The following AFAP1 variants were observed in gnomAD, a reference collection of about 807,000 sequenced individuals.
AFAP1 encodes the protein actin filament-associated protein 1.
A neutral mutation model predicts 93.9 loss-of-function variants in AFAP1; 75 were observed. That is an observed-to-expected ratio of 0.80 (90% CI 0.66 to 0.97). AFAP1 has a LOEUF of 0.97. Ranked by LOEUF, AFAP1 falls within the 50% of genes least tolerant of loss-of-function variation. The probability of loss-of-function intolerance (pLI) is 0.00; values close to 1 mark genes in which losing one functional copy is unlikely to be tolerated. For synonymous variants in AFAP1, 517 were observed against 430.7 expected (o/e 1.20, Z -2.48); for missense variants, 1,201 against 1,050.8 (o/e 1.14, Z -1.98).
intron 7 of AFAP1, among the ~76,000 whole-genome samples, chr4:7,818,491 G>A (rs188041415): frequency 6.6e-6 from 1 of 152,182 alleles, no homozygotes; most frequent in African/African-American, 2.4e-5. Flanking sequence ...AGGTTTCATG[G>A]CAGGAAGCCA....
In AFAP1 at chr4:7,774,336, A is replaced by C. The variant is rs537875985; in HGVS notation, c.2062+403T>G. On this transcript the variant is annotated intron_variant, in intron 15 of 17. Coordinates refer to ENST00000420658, the MANE Select transcript of AFAP1 (RefSeq NM_001134647.2). The stretch of plus-strand genomic sequence containing the variant: ...ACCCTTGTCTGGACTTCTGAATATT[A>C]CTGACCCCTGTGGGCTACCCTCTGT... The C allele has an allele frequency of 6.1e-5, 11 of 180,178 alleles. No homozygotes were observed. In the South Asian group the frequency reaches 1.6e-3, roughly 27 times the overall value. The allele number at this position is 180,178 out of a possible 1,614,324, so 11.2% of individuals were successfully genotyped here. A position where few individuals can be genotyped will look rare whatever the true frequency, so the allele number is the denominator to read the frequency against.
intron 4 of AFAP1, among the ~76,000 whole-genome samples, chr4:7,846,035 A>C (rs2149122048): frequency 6.6e-6 from 1 of 152,304 alleles, no homozygotes; most frequent in South Asian, 2.1e-4. Context: ...CAACCAAAGG[A>C]AAAAGTCTGA....
chr4:7,867,340 T>C (rs1196853020), intron 3 of AFAP1, among the ~76,000 whole-genome samples: 1 of 152,142 alleles, frequency 6.6e-6, no homozygotes, highest in African/African-American at 2.4e-5. Context: ...TCCTGGATAA[T>C]CCTGAGGCAC....
chr4:7,812,305 G>A (rs1016719226), intron 8 of AFAP1, among the ~76,000 whole-genome samples: 2 of 152,042 alleles, frequency 1.3e-5, no homozygotes, highest in African/African-American at 4.8e-5. Flanking sequence ...GCCCCCCCCA[G>A]AAAATGCAGC....
chr4:7,765,780 G>A (rs116816502), intron 17 of AFAP1, among the ~76,000 whole-genome samples: 4,622 of 152,298 alleles, frequency 0.03, 103 homozygotes, highest in Non-Finnish European at 0.048. Context: ...CAGCCACTGA[G>A]GGGCCTTGGA....
At chr4:7,836,267 TG>T (rs1363606670) in intron 6 of AFAP1, among the ~76,000 whole-genome samples, 1 of 152,130 alleles carries the variant, frequency 6.6e-6, no homozygotes, top group African/African-American at 2.4e-5. Context: ...TGCTTCAACA[TG>T]GACGGACCTT....
chr4:7,762,960 G>A lies in AFAP1; in HGVS notation c.*805C>T, dbSNP rs563366043. The A allele has an allele frequency of 6.6e-6, 1 of 152,218 alleles. No individual in the cohort carries two copies. The highest frequency in any genetic ancestry group is 6.5e-5 in the Admixed American group (1 of 15,286). The allele number at this position is 152,218 out of a possible 1,614,324, so 9.4% of individuals were successfully genotyped here. On this transcript the variant is annotated 3_prime_UTR_variant, in exon 18 of 18. Transcript: ENST00000420658. ...GGGCTGGGGATGCTAGCCCAAGGGG[G>A]AGGAGGGTGTACTGTTAGTGAAGTA...
chr4:7,889,649 CAT>C (rs1001055533), intron 1 of AFAP1, among the ~76,000 whole-genome samples: 23 of 143,918 alleles, frequency 1.6e-4, no homozygotes, highest in African/African-American at 4.9e-4. Flanking sequence ...ATTCTTTAAA[CAT>C]GTGAGGTTTA....
intron 10 of AFAP1, among the ~76,000 whole-genome samples, chr4:7,797,259 G>A (rs1718519074): frequency 3.3e-5 from 5 of 152,158 alleles, no homozygotes; most frequent in Admixed American, 2.6e-4. Context: ...AGTCATTAAT[G>A]GATGCTGGAA....
rs1715939902 is a variant in AFAP1, at chr4:7,774,897, G to C, written c.1904C>G (p.Ala635Gly). Residue 635 changes from alanine (A) to glycine (G), a missense_variant, in exon 15 of 18, where the codon GCC becomes GGC. Transcript: ENST00000420658. ...AVVKRTGSNAAQYKYGKNRVE... is the reference protein window; with the variant it reads ...AVVKRTGSNAGQYKYGKNRVE... The stretch of plus-strand genomic sequence containing the variant: ...CCGGTTCTTGCCATACTTGTACTGG[G>C]CAGCATCTTGAGAAGAAAAAAAAGC... 1.4e-5 allele frequency: 23 copies of C among 1,605,798 alleles called. No individual in the cohort carries two copies. The highest frequency in any genetic ancestry group is 1.8e-5 in the Non-Finnish European group (21 of 1,178,030).
chr4:7,759,070 A>G lies in AFAP1; in HGVS notation c.*4695T>C, dbSNP rs1236001167. 1 of 152,702 alleles carries G rather than the reference A, an allele frequency of 6.5e-6. No homozygotes were observed. The highest frequency in any genetic ancestry group is 1.5e-5 in the Non-Finnish European group (1 of 68,042). 9.5% of individuals were successfully genotyped at this position (152,702 alleles called of 1,614,324 possible). ...TAAAAAATACAATAAGGAAATAATT[A>G]CATTCTTAATATGAAAACATTTTAC... On this transcript the variant is annotated 3_prime_UTR_variant, in exon 18 of 18. Coordinates refer to ENST00000420658, the MANE Select transcript of AFAP1 (RefSeq NM_001134647.2).
In AFAP1 at chr4:7,838,592, T is replaced by C; in HGVS notation, c.658A>G (p.Thr220Ala). 6.2e-7 allele frequency: 1 copy of C among 1,614,176 alleles called. No homozygotes were observed. The highest frequency in any genetic ancestry group is 8.5e-7 in the Non-Finnish European group (1 of 1,180,034). The change falls in exon 6 of 18, where the codon ACT (threonine) becomes GCT (alanine). Residue 220 changes from threonine (T) to alanine (A), a missense_variant. Coordinates refer to ENST00000420658, the MANE Select transcript of AFAP1 (RefSeq NM_001134647.2). Reference protein sequence around the residue: ...SKKKKHELKITQQGTDPLVLA... With the variant: ...SKKKKHELKIAQQGTDPLVLA... Reference sequence around the variant, plus strand: ...ACAAGCGGGTCCGTGCCCTGCTGAGTAATCTTCAGCTCGTGCTTCTTCTTT... The same window carrying C: ...ACAAGCGGGTCCGTGCCCTGCTGAGCAATCTTCAGCTCGTGCTTCTTCTTT...
rs1301780881 is a variant in AFAP1, at chr4:7,939,617, C to T, written c.-3+39G>A. The stretch of plus-strand genomic sequence containing the variant: ...TCCACGCCCGGGGCAGAGACCCCCG[C>T]CGGGTCCGGAGACCCTGCCGCCAGT... On this transcript the variant is annotated intron_variant, in intron 1 of 17. Coordinates refer to ENST00000420658, the MANE Select transcript of AFAP1 (RefSeq NM_001134647.2). This position sits in a 1 kb window ranked among gnomAD's most constrained non-coding sequence, Gnocchi z 5.6. 2.4e-6 allele frequency: 1 copy of T among 413,170 alleles called. No homozygotes were observed. The allele number at this position is 413,170 out of a possible 1,614,324, so 25.6% of individuals were successfully genotyped here.
chr4:7,906,013 G>C (rs192279530), intron 1 of AFAP1, among the ~76,000 whole-genome samples: 1 of 152,344 alleles, frequency 6.6e-6, no homozygotes, highest in Admixed American at 6.5e-5. Flanking sequence ...CCATGCATGT[G>C]GGAGGAGGGA....
intron 7 of AFAP1, 96 bp downstream of exon 7, chr4:7,818,980 A>C: frequency 1.7e-6 from 2 of 1,155,146 alleles, no homozygotes; most frequent in African/African-American, 1.5e-5. Context: ...TTTAACTGGA[A>C]GCGCTGAAAT....
chr4:7,780,343 C>G (rs886319074), intron 13 of AFAP1, among the ~76,000 whole-genome samples: 1 of 152,180 alleles, frequency 6.6e-6, no homozygotes, highest in African/African-American at 2.4e-5. Context: ...CTATTGGGAG[C>G]TACTGTTCTA....
Position 7,758,831 on chromosome 4 carries a change from T to C in AFAP1, c.*4934A>G, listed in dbSNP as rs1317029292. On this transcript the variant is annotated 3_prime_UTR_variant, in exon 18 of 18. Transcript: ENST00000420658. ...AAAGCAGGAAATTCAGTGAAGCTAC[T>C]ACAAAGTGGGGCGAGTGGACTGAAA... The C allele has an allele frequency of 6.6e-6, 1 of 152,242 alleles. No homozygotes were observed. Among genetic ancestry groups the C allele is most frequent in the Non-Finnish European group, 1.5e-5 (1 of 68,044 alleles). The allele number at this position is 152,242 out of a possible 1,614,324, so 9.4% of individuals were successfully genotyped here. A position where few individuals can be genotyped will look rare whatever the true frequency, so the allele number is the denominator to read the frequency against.
chr4:7,795,585 C>T (rs1415269155), intron 10 of AFAP1, among the ~76,000 whole-genome samples: 1 of 151,618 alleles, frequency 6.6e-6, no homozygotes, highest in Non-Finnish European at 1.5e-5. Flanking sequence ...CCACCACGCC[C>T]GGATAATTTT....
At chr4:7,794,308 G>T (rs897325077) in intron 10 of AFAP1, among the ~76,000 whole-genome samples, 1 of 152,104 alleles carries the variant, frequency 6.6e-6, no homozygotes, top group South Asian at 2.1e-4. Flanking sequence ...GCCTGAAATG[G>T]TCATTTAGTT....
Sources: gnomAD v4.1 joint callset for allele counts (sites outside exome capture counted in the v4.1 genomes callset) on GRCh38, gnomAD v4.1.1 for gene constraint, Gnocchi (gnomAD v3.1) non-coding constraint, MANE v1.5 for transcripts, NCBI Gene and HGNC (gene_info 2026-07-23, HGNC 2026-07-21) for gene names.